Variants in THBS3 observed in about 807,000 individuals in gnomAD.
THBS3 encodes the protein thrombospondin-3.
THBS3 carries 78 observed loss-of-function variants against 118.3 expected under a neutral mutation model. That is an observed-to-expected ratio of 0.66 (90% confidence interval 0.55 to 0.80). THBS3 has a LOEUF of 0.80. Ranked by LOEUF, THBS3 falls within the 30% of genes least tolerant of loss-of-function variation. The pLI, the probability that THBS3 is intolerant of heterozygous loss-of-function variation, is 0.00. For missense variants in THBS3, 1,057 were observed against 1,247.4 expected (o/e 0.85, Z 2.30); for synonymous variants, 427 against 475.3 (o/e 0.90, Z 1.32).
At chr1:155,205,625 A>C in intron 2 of THBS3, 1 of 328,900 alleles carries the variant, frequency 3.0e-6, no homozygotes. Context: ...TAAAAATACA[A>C]AAGTTAGCCA....
At chr1:155,208,916 C>A (rs748319329), upstream of THBS3, 5 of 1,611,440 alleles carry the variant, frequency 3.1e-6, no homozygotes, top group Non-Finnish European at 4.2e-6. Context: ...CTGGCCCAGG[C>A]GCACAAGACC....
Position 155,197,036 on chromosome 1 carries a change from C to G in THBS3, c.2672+5G>C, listed in dbSNP as rs1477503572. The G allele has an allele frequency of 6.2e-7, 1 of 1,612,732 alleles. No individual in the cohort carries two copies. The highest frequency in any genetic ancestry group is 1.3e-5 in the African/African-American group (1 of 74,914). ...CCCACAGGTGGGCTCAGCCCCTCTC[C>G]TTACCGAATGTAGCCAACTTGAGGC... is the stretch of plus-strand genomic sequence containing the variant. On this transcript the variant is annotated splice_donor_5th_base_variant and intron_variant, in intron 21 of 22. Transcript: ENST00000368378. The surrounding 1 kb of genome is among the most constrained non-coding windows in gnomAD (Gnocchi z 5.0).
chr1:155,209,134 G>A, upstream of THBS3: 1 of 1,540,490 alleles, frequency 6.5e-7, no homozygotes, highest in Non-Finnish European at 8.8e-7. Flanking sequence ...TCGCCTCCCC[G>A]GGGATCTCCC....
chr1:155,200,217 G>T, intron 14 of THBS3, 104 bp from the exon 15 acceptor site: 1 of 1,152,184 alleles, frequency 8.7e-7, no homozygotes, highest in Non-Finnish European at 1.2e-6. Context: ...GAGGACAACT[G>T]GCCAGGAAAT....
chr1:155,201,781 C>A, intron 10 of THBS3, 176 bp downstream of exon 10: 1 of 1,051,552 alleles, frequency 9.5e-7, no homozygotes, highest in Non-Finnish European at 1.4e-6. Flanking sequence ...AAATAACCTG[C>A]TAAAGAGCTA....
chr1:155,206,217 A>G lies in THBS3; in HGVS notation c.269T>C (p.Val90Ala), dbSNP rs1176414437. ...DNTRWLEASV[V>A]GKINKVLVRY... ...CCAGTCACCTTTGTTGATCTTGCCTACAACAGAGGCCTCCAGCCATCGAGT... is the reference window on the plus strand; with the variant it reads ...CCAGTCACCTTTGTTGATCTTGCCTGCAACAGAGGCCTCCAGCCATCGAGT... The change falls in exon 2 of 23, where the codon GTA becomes GCA. Residue 90 changes from valine to alanine, a missense_variant. Val to Ala is a moderately conservative substitution (Grantham distance 64, BLOSUM62 0). Transcript: ENST00000368378. The surrounding 1 kb of genome is among the most constrained non-coding windows in gnomAD (Gnocchi z 4.2). 3.1e-6 allele frequency: 5 copies of G among 1,614,086 alleles called. No homozygotes were observed. Among genetic ancestry groups the G allele is most frequent in the Non-Finnish European group, 4.2e-6 (5 of 1,180,008 alleles).
In THBS3 at chr1:155,205,303, G is replaced by A; in HGVS notation, c.300C>T (p.Tyr100=). ...CGTGGACTTTGCCATCCTCCCGCTGGTATCGCACCAGTACTGCCCAGGAGG... is the reference window on the plus strand; with the variant it reads ...CGTGGACTTTGCCATCCTCCCGCTGATATCGCACCAGTACTGCCCAGGAGG... ...VGKINKVLVR[Y]QREDGKVHAV... is the part of the protein sequence containing the mutation. The change falls in exon 3 of 23, where the codon TAC becomes TAT. Residue 100 remains tyrosine (Y), a synonymous_variant. Transcript: ENST00000368378. 3 of 1,613,876 alleles carry A rather than the reference G, an allele frequency of 1.9e-6. No individual in the cohort carries two copies. The highest frequency in any genetic ancestry group is 2.5e-6 in the Non-Finnish European group (3 of 1,180,014).
rs758691677 is a variant in THBS3 at position 155,198,622 on chromosome 1, C to A, written c.1881-20G>T. 1 of 1,610,870 alleles carries A rather than the reference C, an allele frequency of 6.2e-7. No individual in the cohort carries two copies. Among genetic ancestry groups the A allele is most frequent in the East Asian group, 2.2e-5 (1 of 44,848 alleles). On this transcript the variant is annotated intron_variant, in intron 16 of 22. Coordinates refer to ENST00000368378, the MANE Select transcript of THBS3 (RefSeq NM_007112.5). ...CCATCGCTAATCAGAAGAACAGGTA[C>A]CAAATAAAGGATTTAAAGGTACTCC...
chr1:155,207,928 A>C (rs759460413), upstream of THBS3: 19 of 1,487,466 alleles, frequency 1.3e-5, no homozygotes, highest in Non-Finnish European at 1.6e-5. Flanking sequence ...GGAGGGGAAA[A>C]GGCTAGGCGG....
rs1450592820 is a variant in THBS3 at position 155,198,072 on chromosome 1, C to G, written c.2223G>C (p.Gln741His). Residue 741 changes from glutamine to histidine, a missense_variant, in exon 18 of 23, where the codon CAG becomes CAC. Physicochemically the swap from Gln to His is conservative, Grantham distance 24. Transcript: ENST00000368378. ...TVVLDPEGDA[Q>H]IDPNWVVLNQ... ...TGAGCACAACCCAGTTTGGGTCAAT[C>G]TGAGCATCACCCTCAGGATCCAGGA... The G allele has an allele frequency of 1.9e-6, 3 of 1,614,084 alleles. No homozygotes were observed. Among genetic ancestry groups the G allele is most frequent in the African/African-American group, 2.7e-5 (2 of 74,938 alleles).
Position 155,203,143 on chromosome 1 carries a change from G to T in THBS3, c.757-6C>A, listed in dbSNP as rs1454953911. 8.7e-6 allele frequency: 14 copies of T among 1,614,252 alleles called. No individual in the cohort carries two copies. The highest frequency in any genetic ancestry group is 1.2e-5 in the Non-Finnish European group (14 of 1,180,042). ...ATCAGGGACATTTCCTTCACCTGGAGAAGGATGGGGAGGAGTCAGCACTTG... is the reference window on the plus strand; with the variant it reads ...ATCAGGGACATTTCCTTCACCTGGATAAGGATGGGGAGGAGTCAGCACTTG... On this transcript the variant is annotated splice_region_variant and splice_polypyrimidine_tract_variant and intron_variant, in intron 6 of 22. Transcript: ENST00000368378.
At chr1:155,207,053 A>C (rs975493323) in intron 1 of THBS3, among the ~76,000 whole-genome samples, 1 of 152,130 alleles carries the variant, frequency 6.6e-6, no homozygotes, top group Non-Finnish European at 1.5e-5. Context: ...GATCCCCCAC[A>C]GGAGTGGCAC....
chr1:155,200,870 C>CA lies in THBS3; in HGVS notation c.1548+26dup, dbSNP rs745429535. 17 of 1,613,970 alleles carry CA rather than the reference C, an allele frequency of 1.1e-5. No individual in the cohort carries two copies. The African/African-American group carries it at 2.0e-4, about 19-fold the overall frequency. Reference sequence around the variant, plus strand: ...GGACAGGAGGAGGGGAGAGGAGCTTCAAGGGGCAGGGCAGTCTGGGAGTCA... The same window carrying CA: ...GGACAGGAGGAGGGGAGAGGAGCTTCAAAGGGGCAGGGCAGTCTGGGAGTCA... On this transcript the variant is annotated intron_variant, in intron 13 of 22. Transcript: ENST00000368378.
At chr1:155,196,557 C>T (rs1162366989) in intron 21 of THBS3, 1 of 214,276 alleles carries the variant, frequency 4.7e-6, no homozygotes, top group African/African-American at 2.3e-5. Context: ...CTAAGCAGAC[C>T]CATTTCCCCT....
intron 4 of THBS3, 40 bp downstream of exon 4, chr1:155,204,815 G>A (rs748240360): frequency 6.3e-7 from 1 of 1,578,336 alleles, no homozygotes; most frequent in South Asian, 1.1e-5. Flanking sequence ...AAGGCCACAG[G>A]ATCCGTGGTC....
At chr1:155,203,643 C>T (rs1210540441) in intron 4 of THBS3, 104 bp from the exon 5 acceptor site, 18 of 1,428,470 alleles carry the variant, frequency 1.3e-5, no homozygotes, top group Non-Finnish European at 1.7e-5. Flanking sequence ...AGGGCTGGAG[C>T]CCCAGAATAA....
At chr1:155,204,462 C>T (rs747539383) in intron 4 of THBS3, among the ~76,000 whole-genome samples, 3 of 151,946 alleles carry the variant, frequency 2.0e-5, no homozygotes, top group South Asian at 2.1e-4. Flanking sequence ...TGGTGGAGGG[C>T]GCCTGTAATC....
intron 4 of THBS3, 88 bp downstream of exon 4, chr1:155,204,767 T>A (rs1670298758): frequency 8.1e-7 from 1 of 1,237,800 alleles, no homozygotes; most frequent in Non-Finnish European, 1.2e-6. Flanking sequence ...AGGAATGGGT[T>A]TTAAGGGAGA....
At position 155,197,384 on chromosome 1, in the gene THBS3, G is replaced by A; in HGVS notation, c.2499+79C>T. 1 of 1,554,536 alleles carries A rather than the reference G, an allele frequency of 6.4e-7. No homozygotes were observed. ...TCTGGGTAAGAGGGTTCCCAGTCAA[G>A]CAGTGGGGGAGGCCCTGGGGCTGCA... On this transcript the variant is annotated intron_variant, in intron 20 of 22. Transcript: ENST00000368378. This position sits in a 1 kb window ranked among gnomAD's most constrained non-coding sequence, Gnocchi z 5.0.
Sources: allele counts gnomAD v4.1 joint callset (sites outside exome capture counted in the v4.1 genomes callset), GRCh38; gene constraint gnomAD v4.1.1; non-coding constraint Gnocchi (gnomAD v3.1); transcripts MANE v1.5; gene names NCBI Gene and HGNC (gene_info 2026-07-23, HGNC 2026-07-21).